Variants in RPSA2 observed in about 807,000 individuals in gnomAD.
RPSA2 encodes the protein ribosomal protein SA 2, also known as small ribosomal subunit protein uS2B.
the RPSA2 span, among the ~76,000 whole-genome samples, chr19:23,791,585 T>C: frequency 3.3e-5 from 5 of 152,152 alleles, no homozygotes; most frequent in African/African-American, 1.2e-4. Flanking sequence ...CCACCCCTCA[T>C]CCCATATTCC....
At chr19:23,799,940 C>G in the RPSA2 span, among the ~76,000 whole-genome samples, 1 of 151,778 alleles carries the variant, frequency 6.6e-6, no homozygotes, top group South Asian at 2.1e-4. Context: ...TGGTAACCAT[C>G]TTTATGTCTT....
the RPSA2 span, among the ~76,000 whole-genome samples, chr19:23,793,728 G>T: frequency 1.3e-5 from 2 of 151,986 alleles, no homozygotes; most frequent in African/African-American, 4.8e-5. Flanking sequence ...ATCATGCCCA[G>T]CTAATTTTTG....
chr19:23,782,159 C>T, the RPSA2 span: 3 of 152,268 alleles, frequency 2.0e-5, no homozygotes, highest in East Asian at 1.9e-4. Context: ...GGGGATTGTA[C>T]TGTATGTCTT....
chr19:23,761,373 C>A, the RPSA2 span, among the ~76,000 whole-genome samples: 1 of 152,200 alleles, frequency 6.6e-6, no homozygotes, highest in East Asian at 1.9e-4. Context: ...AGCCATCAAA[C>A]CCAGCCAACA....
At chr19:23,849,841 A>T in the RPSA2 span, among the ~76,000 whole-genome samples, 1 of 152,184 alleles carries the variant, frequency 6.6e-6, no homozygotes, top group East Asian at 1.9e-4. Context: ...AAAGTTTCAG[A>T]TGGGCCCTCA....
chr19:23,803,388 G>A, the RPSA2 span, among the ~76,000 whole-genome samples: 2 of 151,422 alleles, frequency 1.3e-5, no homozygotes, highest in African/African-American at 2.4e-5. Flanking sequence ...TGATTTATAG[G>A]GTCTTAATTA....
chr19:23,787,206 C>T, the RPSA2 span, among the ~76,000 whole-genome samples: 7,739 of 152,142 alleles, frequency 0.051, 343 homozygotes, highest in South Asian at 0.079. Flanking sequence ...TGTGACTCTT[C>T]TGCCTGTGAT....
chr19:23,832,135 T>C, the RPSA2 span: 1 of 424,252 alleles, frequency 2.4e-6, no homozygotes, highest in South Asian at 1.9e-5. Context: ...AGAAAAACTT[T>C]ACAGATGTGA....
the RPSA2 span, among the ~76,000 whole-genome samples, chr19:23,793,549 A>G: frequency 2.0e-5 from 3 of 151,422 alleles, no homozygotes; most frequent in African/African-American, 7.3e-5. Flanking sequence ...TCAACCTTCC[A>G]GGCTCAAGCA....
chr19:23,839,752 C>A, the RPSA2 span, among the ~76,000 whole-genome samples: 1 of 152,200 alleles, frequency 6.6e-6, no homozygotes, highest in Admixed American at 6.5e-5. Context: ...CAGGAATGGG[C>A]TCCTTGGGGA....
the RPSA2 span, among the ~76,000 whole-genome samples, chr19:23,856,140 T>TAG: frequency 6.6e-6 from 1 of 151,314 alleles, no homozygotes; most frequent in African/African-American, 2.4e-5. Flanking sequence ...GAGGAAGAGG[T>TAG]AGAGAGAGGG....
At chr19:23,839,741 G>T in the RPSA2 span, among the ~76,000 whole-genome samples, 148,964 of 152,290 alleles carry the variant, frequency 0.98, 72,947 homozygotes, top group Middle Eastern at 1. Context: ...GTGGTGCCAG[G>T]CAGGAATGGG....
the RPSA2 span, among the ~76,000 whole-genome samples, chr19:23,777,179 G>A: frequency 6.6e-6 from 1 of 152,244 alleles, no homozygotes; most frequent in African/African-American, 2.4e-5. Flanking sequence ...CCCAGGTGAT[G>A]TGACTCTCCT....
the RPSA2 span, among the ~76,000 whole-genome samples, chr19:23,835,308 T>C: frequency 6.6e-6 from 1 of 152,170 alleles, no homozygotes; most frequent in Non-Finnish European, 1.5e-5. Context: ...TCTATTAGTC[T>C]AAAGATAAAC....
the RPSA2 span, among the ~76,000 whole-genome samples, chr19:23,859,922 A>G: frequency 6.6e-6 from 1 of 152,238 alleles, no homozygotes; most frequent in African/African-American, 2.4e-5. Context: ...TGTGGAAAAT[A>G]AATATCTAAC....
At chr19:23,839,520 A>T in the RPSA2 span, among the ~76,000 whole-genome samples, 3 of 152,154 alleles carry the variant, frequency 2.0e-5, no homozygotes, top group Non-Finnish European at 2.9e-5. Context: ...AAATTACCCC[A>T]GGCTTTCTGT....
chr19:23,761,902 T>TCCA, the RPSA2 span, among the ~76,000 whole-genome samples: 6,121 of 62,206 alleles, frequency 0.098, 371 homozygotes, highest in African/African-American at 0.12. Flanking sequence ...GGTAACGTAA[T>TCCA]TCTTTCTTTC....
the RPSA2 span, among the ~76,000 whole-genome samples, chr19:23,870,474 C>T: frequency 6.6e-6 from 1 of 152,080 alleles, no homozygotes; most frequent in Admixed American, 6.6e-5. Flanking sequence ...TGTAAAAGCC[C>T]ATTTGCAGGG....
At chr19:23,826,852 A>AT in the RPSA2 span, among the ~76,000 whole-genome samples, 2 of 136,446 alleles carry the variant, frequency 1.5e-5, no homozygotes, top group Non-Finnish European at 3.1e-5. Context: ...CGTTTGGCTA[A>AT]TTTTTGTATT....
Sources: gnomAD v4.1 joint callset for allele counts (sites outside exome capture counted in the v4.1 genomes callset) on GRCh38, gnomAD v4.1.1 for gene constraint, MANE v1.5 for transcripts, NCBI Gene and HGNC (gene_info 2026-07-23, HGNC 2026-07-21) for gene names.